The following LRMDA variants were observed in gnomAD, a reference collection of about 807,000 sequenced individuals.
LRMDA encodes leucine-rich melanocyte differentiation-associated protein.
Under a neutral mutation model 29.8 loss-of-function variants are expected in LRMDA, and 18 were observed. That is an observed-to-expected ratio of 0.60 (90% CI 0.42 to 0.90). LRMDA has a LOEUF of 0.90. Ranked by LOEUF, LRMDA falls within the 40% of genes least tolerant of loss-of-function variation. LRMDA has a pLI of 0.00. For missense variants in LRMDA, 273 were observed against 273.9 expected, an observed-to-expected ratio of 1.00 and a Z score of 0.02; for synonymous variants, 125 against 109.4, an observed-to-expected ratio of 1.14 and a Z score of -0.89.
At chr10:75,927,100 T>C (rs1391194872) in intron 2 of LRMDA, among the ~76,000 whole-genome samples, 2 of 152,178 alleles carry the variant, frequency 1.3e-5, no homozygotes, top group African/African-American at 4.8e-5. Flanking sequence ...TTGGAATGGA[T>C]AGAGCTTAAC....
At chr10:75,567,288 C>G (rs1840385965) in intron 2 of LRMDA, among the ~76,000 whole-genome samples, 1 of 152,224 alleles carries the variant, frequency 6.6e-6, no homozygotes, top group Non-Finnish European at 1.5e-5. Flanking sequence ...CTTCCTTCAG[C>G]CACCTTTTCC....
chr10:76,435,186 T>C (rs1347264118), intron 6 of LRMDA, among the ~76,000 whole-genome samples: 1 of 152,150 alleles, frequency 6.6e-6, no homozygotes, highest in Admixed American at 6.5e-5. Flanking sequence ...GCTTAGAGAT[T>C]ATCGGCCCAA....
At chr10:75,856,064 A>G (rs1844820797) in intron 2 of LRMDA, among the ~76,000 whole-genome samples, 1 of 152,176 alleles carries the variant, frequency 6.6e-6, no homozygotes, top group Non-Finnish European at 1.5e-5. Context: ...TTTTGGTTCC[A>G]TATGAACTTT....
chr10:75,860,403 C>A (rs910871749), intron 2 of LRMDA, among the ~76,000 whole-genome samples: 18 of 146,874 alleles, frequency 1.2e-4, no homozygotes, highest in African/African-American at 4.5e-4. Flanking sequence ...CTCACTGCAA[C>A]CTCTGCCTCC....
At chr10:75,598,694 A>C (rs1312889103) in intron 2 of LRMDA, among the ~76,000 whole-genome samples, 1 of 152,178 alleles carries the variant, frequency 6.6e-6, no homozygotes, top group African/African-American at 2.4e-5. Flanking sequence ...GCGAGGCTTC[A>C]TATGTAACTC....
intron 2 of LRMDA, among the ~76,000 whole-genome samples, chr10:75,561,721 A>G (rs1207685225): frequency 3.3e-5 from 5 of 151,308 alleles, no homozygotes; most frequent in Admixed American, 1.3e-4. Context: ...AGAGATTCTG[A>G]TATGTTGTGT....
chr10:75,972,840 C>A (rs1335905022), intron 2 of LRMDA, among the ~76,000 whole-genome samples: 4 of 152,076 alleles, frequency 2.6e-5, no homozygotes, highest in Non-Finnish European at 5.9e-5. Flanking sequence ...CCTCTGCCAC[C>A]ATCTACAGCC....
At chr10:75,608,941 C>G (rs1226798807) in intron 2 of LRMDA, among the ~76,000 whole-genome samples, 1 of 152,150 alleles carries the variant, frequency 6.6e-6, no homozygotes, top group Non-Finnish European at 1.5e-5. Context: ...TCAACACGAC[C>G]AACAGTTTGT....
At chr10:75,808,420 A>G (rs2132268756) in intron 2 of LRMDA, among the ~76,000 whole-genome samples, 1 of 152,346 alleles carries the variant, frequency 6.6e-6, no homozygotes, top group South Asian at 2.1e-4. Context: ...GTTCCAGAAA[A>G]AGGAAGGTGG....
intron 6 of LRMDA, among the ~76,000 whole-genome samples, chr10:76,465,739 G>A (rs977605168): frequency 2.6e-5 from 4 of 152,196 alleles, no homozygotes; most frequent in Non-Finnish European, 4.4e-5. Flanking sequence ...CTCCCAGTTC[G>A]GGAGGCTGGA....
At chr10:75,886,761 C>T (rs150005296) in intron 2 of LRMDA, among the ~76,000 whole-genome samples, 21 of 152,212 alleles carry the variant, frequency 1.4e-4, no homozygotes, top group South Asian at 1.0e-3. Flanking sequence ...TATTAAAGCT[C>T]GGAAGGTGAC....
intron 2 of LRMDA, among the ~76,000 whole-genome samples, chr10:75,808,250 G>C (rs564988505): frequency 1.3e-5 from 2 of 152,010 alleles, no homozygotes; most frequent in East Asian, 3.9e-4. Context: ...GATGTCACCT[G>C]GGATGACCAA....
At chr10:75,596,930 A>G (rs1840796263) in intron 2 of LRMDA, among the ~76,000 whole-genome samples, 1 of 151,176 alleles carries the variant, frequency 6.6e-6, no homozygotes, top group South Asian at 2.1e-4. Context: ...AGAGATAAAG[A>G]GGTTTTCTTT....
intron 2 of LRMDA, among the ~76,000 whole-genome samples, chr10:75,848,161 C>A (rs914522599): frequency 8.6e-5 from 13 of 152,010 alleles, no homozygotes; most frequent in Non-Finnish European, 1.9e-4. Context: ...AGAAGCAGCC[C>A]AAATGTCCAT....
At position 75,464,560 on chromosome 10, in the gene LRMDA, C is replaced by T. The variant is rs138976984; in HGVS notation, c.131+26066C>T. Among the ~76,000 whole-genome samples the T allele has an allele frequency of 1.5e-3, 228 of 152,208 alleles. 1 individual carries two copies. Among genetic ancestry groups the T allele is most frequent in the African/African-American group, 5.2e-3 (218 of 41,530 alleles). On this transcript the variant is annotated intron_variant, in intron 2 of 6. Coordinates refer to ENST00000611255, the MANE Select transcript of LRMDA (RefSeq NM_001305581.2). ...CTGATACTCATTTGGATAATCAGAT[C>T]GATGGGATATATGTGAGGAAGAAAG...
intron 6 of LRMDA, among the ~76,000 whole-genome samples, chr10:76,330,888 C>G (rs542959810): frequency 1.3e-5 from 2 of 152,304 alleles, no homozygotes; most frequent in Admixed American, 1.3e-4. Flanking sequence ...AGCAAAGACT[C>G]AGGAAAATAG....
At position 76,500,900 on chromosome 10, in the gene LRMDA, G is replaced by A. The variant is rs1393012075; in HGVS notation, c.602-56309G>A. On this transcript the variant is annotated intron_variant, in intron 6 of 6. Transcript: ENST00000611255. The stretch of plus-strand genomic sequence containing the variant: ...CTTCAACATTTATTTTAGATTCAGA[G>A]GGGTACATGTGCAGGCTTGTTACAT... Among the ~76,000 whole-genome samples, 2 of 73,836 alleles carry A rather than the reference G, an allele frequency of 2.7e-5. 1 individual carries two copies. Among genetic ancestry groups the A allele is most frequent in the Non-Finnish European group, 9.0e-5 (2 of 22,296 alleles). 48.4% of individuals were successfully genotyped at this position (73,836 alleles called of 152,430 possible).
At chr10:76,185,653 C>G (rs1014313224) in intron 5 of LRMDA, among the ~76,000 whole-genome samples, 5 of 152,174 alleles carry the variant, frequency 3.3e-5, no homozygotes, top group Non-Finnish European at 7.3e-5. Flanking sequence ...CGTTGGTGTC[C>G]TCTTGTCCCT....
At position 75,953,012 on chromosome 10, in the gene LRMDA, C is replaced by T. The variant is rs146807785; in HGVS notation, c.132-82996C>T. 1.3e-4 allele frequency among the ~76,000 whole-genome samples: 20 copies of T among 152,198 alleles called. 1 individual carries two copies. In the East Asian group the frequency reaches 3.9e-3, roughly 30 times the overall value. ...TCAGGTTATCCGCCTGCCTCAGTCTCCCAAAGTTCTGGGATTATAGGTGTG... is the reference window on the plus strand; with the variant it reads ...TCAGGTTATCCGCCTGCCTCAGTCTTCCAAAGTTCTGGGATTATAGGTGTG... On this transcript the variant is annotated intron_variant, in intron 2 of 6. Coordinates refer to ENST00000611255, the MANE Select transcript of LRMDA (RefSeq NM_001305581.2).
Sources: allele counts gnomAD v4.1 joint callset (sites outside exome capture counted in the v4.1 genomes callset), GRCh38; gene constraint gnomAD v4.1.1; transcripts MANE v1.5; gene names NCBI Gene and HGNC (gene_info 2026-07-23, HGNC 2026-07-21).